The following PKIB variants were observed in gnomAD, a reference collection of about 807,000 sequenced individuals.
PKIB encodes the protein PKI-beta.
A neutral mutation model predicts 4.5 loss-of-function variants in PKIB; 2 were observed. That is an observed-to-expected ratio of 0.44 (90% CI 0.18 to 1.39). PKIB has a LOEUF of 1.39. Among genes scored for constraint, PKIB ranks in the 40% most tolerant of loss-of-function variants. PKIB has a pLI of 0.27. For synonymous variants in PKIB, 38 were observed against 36.0 expected (o/e 1.06, Z -0.20); for missense variants, 94 against 92.6 (o/e 1.02, Z -0.06).
intron 2 of PKIB, among the ~76,000 whole-genome samples, chr6:122,574,378 C>A (rs1288154833): frequency 6.6e-6 from 1 of 152,120 alleles, no homozygotes; most frequent in Non-Finnish European, 1.5e-5. Context: ...ATCAAAATAT[C>A]CATCATCGTT....
intron 2 of PKIB, among the ~76,000 whole-genome samples, chr6:122,491,501 C>T (rs948970522): frequency 6.6e-6 from 1 of 152,134 alleles, no homozygotes; most frequent in Non-Finnish European, 1.5e-5. Flanking sequence ...CCCTCTCCTC[C>T]CCCGCTCATG....
At chr6:122,644,823 ATTTC>A (rs1417093719) in intron 2 of PKIB, 40 of 152,140 alleles carry the variant, frequency 2.6e-4, no homozygotes, top group African/African-American at 9.4e-4. Flanking sequence ...AACACTGATG[ATTTC>A]TTTGTCATTT....
intron 3 of PKIB, among the ~76,000 whole-genome samples, chr6:122,587,533 T>C (rs1182675141): frequency 6.6e-6 from 1 of 152,184 alleles, no homozygotes; most frequent in Non-Finnish European, 1.5e-5. Context: ...ATCCTTTGGG[T>C]ATATACCCAG....
intron 3 of PKIB, among the ~76,000 whole-genome samples, chr6:122,703,995 A>G (rs1001430589): frequency 1.1e-4 from 16 of 149,792 alleles, no homozygotes; most frequent in Admixed American, 8.7e-4. Context: ...TGCAATTATG[A>G]AGGCTGAGAA....
chr6:122,630,944 C>A (rs1010783927), intron 1 of PKIB, among the ~76,000 whole-genome samples: 4 of 152,078 alleles, frequency 2.6e-5, no homozygotes, highest in Non-Finnish European at 5.9e-5. Flanking sequence ...CTCATGAGAA[C>A]TCAGGGGTTG....
intron 2 of PKIB, among the ~76,000 whole-genome samples, chr6:122,656,857 C>T (rs1361489490): frequency 6.6e-6 from 1 of 152,220 alleles, no homozygotes; most frequent in Admixed American, 6.5e-5. Context: ...CCAGGTTGTT[C>T]ACCTCCTCAA....
intron 3 of PKIB, among the ~76,000 whole-genome samples, chr6:122,603,969 T>C (rs2114745297): frequency 6.6e-6 from 1 of 152,320 alleles, no homozygotes; most frequent in South Asian, 2.1e-4. Context: ...TTAGTGTGTG[T>C]GTGTACTTAT....
chr6:122,715,095 A>T (rs781434792), intron 3 of PKIB, among the ~76,000 whole-genome samples: 1 of 151,936 alleles, frequency 6.6e-6, no homozygotes, highest in African/African-American at 2.4e-5. Context: ...AAAAAAAAAA[A>T]TATTTAAAAA....
intron 2 of PKIB, among the ~76,000 whole-genome samples, chr6:122,526,725 T>A (rs543920401): frequency 1.3e-5 from 2 of 152,084 alleles, no homozygotes; most frequent in Non-Finnish European, 2.9e-5. Flanking sequence ...GCATAATTCT[T>A]AAGGTTCTAG....
chr6:122,550,669 C>T (rs934879922), intron 2 of PKIB, among the ~76,000 whole-genome samples: 1 of 152,164 alleles, frequency 6.6e-6, no homozygotes, highest in Non-Finnish European at 1.5e-5. Flanking sequence ...ATGAACTGCT[C>T]TTTAGAAATG....
chr6:122,557,188 G>A (rs1772869664), intron 2 of PKIB, among the ~76,000 whole-genome samples: 1 of 152,156 alleles, frequency 6.6e-6, no homozygotes, highest in Admixed American at 6.5e-5. Flanking sequence ...TACAGCCTGG[G>A]CAAAAGAGAA....
rs1039316243 is a variant in PKIB at position 122,725,312 on chromosome 6, A to G, written c.*117A>G. The G allele has an allele frequency of 1.8e-5, 14 of 761,864 alleles. No homozygotes were observed. The highest frequency in any genetic ancestry group is 2.8e-5 in the Non-Finnish European group (13 of 460,978). The allele number at this position is 761,864 out of a possible 1,614,324, so 47.2% of individuals were successfully genotyped here. A position where few individuals can be genotyped will look rare whatever the true frequency, so the allele number is the denominator to read the frequency against. Reference sequence around the variant, plus strand: ...TGGTAACATTGCAGCCCTAAGCAGCATGTGTATATTAGATAATTGTGTTGT... The same window carrying G: ...TGGTAACATTGCAGCCCTAAGCAGCGTGTGTATATTAGATAATTGTGTTGT... On this transcript the variant is annotated 3_prime_UTR_variant, in exon 5 of 5. Transcript: ENST00000368452.
At chr6:122,703,937 TATATAGAGAGAGAGAGAGAGAG>T (rs1169725218) in intron 3 of PKIB, among the ~76,000 whole-genome samples, 1 of 130,386 alleles carries the variant, frequency 7.7e-6, no homozygotes, top group African/African-American at 2.9e-5. Context: ...TATATATATA[TATATAGAGAGAGAGAGAGAGAG>T]AGAGAGAGAG....
At chr6:122,558,367 A>G (rs542864698) in intron 2 of PKIB, among the ~76,000 whole-genome samples, 21 of 152,294 alleles carry the variant, frequency 1.4e-4, no homozygotes, top group African/African-American at 5.1e-4. Flanking sequence ...CAAGTTTTCA[A>G]GCTGATTTGG....
chr6:122,710,759 G>A (rs955471901), intron 3 of PKIB, among the ~76,000 whole-genome samples: 2 of 152,152 alleles, frequency 1.3e-5, no homozygotes, highest in African/African-American at 2.4e-5. Context: ...AGTATCTAGC[G>A]TGGGGCTTTG....
At chr6:122,630,237 TA>T in intron 1 of PKIB, among the ~76,000 whole-genome samples, 1 of 152,308 alleles carries the variant, frequency 6.6e-6, no homozygotes, top group African/African-American at 2.4e-5. Flanking sequence ...CTCATGTTCA[TA>T]GTAGCATTAT....
intron 2 of PKIB, among the ~76,000 whole-genome samples, chr6:122,557,251 A>G (rs1286728136): frequency 6.6e-6 from 1 of 152,220 alleles, no homozygotes; most frequent in Non-Finnish European, 1.5e-5. Context: ...CTTCAAGGTA[A>G]CAAATTAGTG....
chr6:122,565,398 A>G (rs1225758509), intron 2 of PKIB, among the ~76,000 whole-genome samples: 2 of 152,152 alleles, frequency 1.3e-5, no homozygotes, highest in Non-Finnish European at 1.5e-5. Flanking sequence ...TTGATTTTCA[A>G]AGCTCATGGT....
rs1776205496 is a variant in PKIB, at chr6:122,643,753, T to C, written c.-76+10386T>C. On this transcript the variant is annotated intron_variant, in intron 2 of 4. Coordinates refer to ENST00000368452, the MANE Select transcript of PKIB (RefSeq NM_181795.3). The stretch of plus-strand genomic sequence containing the variant: ...TCATTGGTAGGGAAGTGTAAATGTA[T>C]GGTTTTTTTAAAACACAACATTAAA... The C allele has an allele frequency of 2.0e-5, 3 of 152,346 alleles. No homozygotes were observed. In the South Asian group the frequency reaches 6.2e-4, roughly 32 times the overall value. 9.4% of individuals were successfully genotyped at this position (152,346 alleles called of 1,614,324 possible).
Sources: allele counts gnomAD v4.1 joint callset (sites outside exome capture counted in the v4.1 genomes callset), GRCh38; gene constraint gnomAD v4.1.1; transcripts MANE v1.5; gene names NCBI Gene and HGNC (gene_info 2026-07-23, HGNC 2026-07-21).